The following PTPDC1 variants were observed in gnomAD, a reference collection of about 807,000 sequenced individuals.
PTPDC1 encodes protein tyrosine phosphatase domain-containing protein 1.
Under a neutral mutation model 75.3 loss-of-function variants are expected in PTPDC1, and 53 were observed. That is an observed-to-expected ratio of 0.70 (90% confidence interval 0.56 to 0.88). The LOEUF (loss-of-function observed/expected upper bound fraction) is 0.88, where lower values mean the gene tolerates loss of function less well. Ranked by LOEUF, PTPDC1 falls within the 40% of genes least tolerant of loss-of-function variation. The probability of loss-of-function intolerance (pLI) is 0.00; values close to 1 mark genes in which losing one functional copy is unlikely to be tolerated. For missense variants in PTPDC1, 925 were observed against 998.6 expected (o/e 0.93, Z 0.99); for synonymous variants, 349 against 366.2 (o/e 0.95, Z 0.54).
At chr9:94,039,829 A>G (rs78129967) in intron 1 of PTPDC1, among the ~76,000 whole-genome samples, 1 of 152,212 alleles carries the variant, frequency 6.6e-6, no homozygotes, top group South Asian at 2.1e-4. Context: ...TTAGTTTACT[A>G]ATCTGTCTCT....
At chr9:94,090,281 T>A (rs920625542) in intron 4 of PTPDC1, among the ~76,000 whole-genome samples, 1 of 106,126 alleles carries the variant, frequency 9.4e-6, no homozygotes, top group Non-Finnish European at 1.8e-5. Flanking sequence ...GGGATCCAGT[T>A]TCAGCTTTCT....
Position 94,084,739 on chromosome 9 carries a change from A to G in PTPDC1, c.209A>G (p.Glu70Gly), listed in dbSNP as rs761077209. The change falls in exon 1 of 9, where the codon GAG becomes GGG. Residue 70 changes from glutamate (E) to glycine (G), a missense_variant. Glu to Gly is a moderately conservative substitution (Grantham distance 98). Coordinates refer to ENST00000620992, the MANE Select transcript of PTPDC1 (RefSeq NM_001253829.2). ...GCTGTTTCCTCAGTCAGCCATGCAG[A>G]GGGAAACCCAACTTTCCCCGAAAGA... Reference protein sequence around the residue: ...MVAVSSVSHAEGNPTFPERKS... With the variant: ...MVAVSSVSHAGGNPTFPERKS... 5.7e-6 allele frequency: 9 copies of G among 1,590,990 alleles called. No individual in the cohort carries two copies. The East Asian group carries it at 1.8e-4, about 32-fold the overall frequency.
At chr9:94,041,785 C>G (rs1410121709) in intron 1 of PTPDC1, among the ~76,000 whole-genome samples, 1 of 152,134 alleles carries the variant, frequency 6.6e-6, no homozygotes, top group African/African-American at 2.4e-5. Context: ...TGTATATTCC[C>G]TGCTCTAGCC....
Position 94,101,450 on chromosome 9 carries a change from C to T in PTPDC1, c.2014-116C>T, listed in dbSNP as rs2118085037. 4 of 711,732 alleles carry T rather than the reference C, an allele frequency of 5.6e-6. No homozygotes were observed. In the East Asian group the frequency reaches 1.1e-4, roughly 19 times the overall value. The allele number at this position is 711,732 out of a possible 1,614,324, so 44.1% of individuals were successfully genotyped here. Reference sequence around the variant, plus strand: ...GGGGTCCCAGTTCTGCACTCTGGAGCCTGAGTCTTTCACTCTTGTGGGCAG... The same window carrying T: ...GGGGTCCCAGTTCTGCACTCTGGAGTCTGAGTCTTTCACTCTTGTGGGCAG... On this transcript the variant is annotated intron_variant, in intron 6 of 8. Transcript: ENST00000620992.
intron 1 of PTPDC1, among the ~76,000 whole-genome samples, chr9:94,057,568 A>G (rs998866257): frequency 3.9e-5 from 6 of 152,204 alleles, no homozygotes; most frequent in Non-Finnish European, 7.3e-5. Context: ...GTGTTGTGGT[A>G]GGAACACACA....
At chr9:94,078,298 A>G (rs1184554658) in intron 2 of PTPDC1, among the ~76,000 whole-genome samples, 1 of 152,176 alleles carries the variant, frequency 6.6e-6, no homozygotes, top group African/African-American at 2.4e-5. Context: ...TTCTTGATTG[A>G]CAGCTTAATA....
intron 8 of PTPDC1, among the ~76,000 whole-genome samples, chr9:94,105,719 A>G (rs543110886): frequency 6.2e-4 from 94 of 150,936 alleles, no homozygotes; most frequent in African/African-American, 2.0e-3. Flanking sequence ...CTGTAATCCA[A>G]GCACTTTGGG....
chr9:94,077,803 G>A (rs999859270), intron 2 of PTPDC1, among the ~76,000 whole-genome samples: 6 of 152,154 alleles, frequency 3.9e-5, no homozygotes, highest in African/African-American at 9.7e-5. Context: ...AAGTCCCAAC[G>A]CTGTAATCCT....
In PTPDC1 at chr9:94,098,172, A is replaced by C; in HGVS notation, c.1606A>C (p.Lys536Gln). Residue 536 changes from lysine to glutamine, a missense_variant, in exon 6 of 9, where the codon AAG (lysine) becomes CAG (glutamine). Coordinates refer to ENST00000620992, the MANE Select transcript of PTPDC1 (RefSeq NM_001253829.2). ...SPIFHGRIIP[K>Q]EAQQSGAFSA... ...AATTTTCCATGGAAGGATCATTCCA[A>C]AGGAAGCACAGCAGAGTGGAGCTTT... The C allele has an allele frequency of 6.2e-7, 1 of 1,614,240 alleles. No homozygotes were observed. Among genetic ancestry groups the C allele is most frequent in the Non-Finnish European group, 8.5e-7 (1 of 1,180,044 alleles).
chr9:94,076,155 C>T (rs1190899912), intron 2 of PTPDC1, among the ~76,000 whole-genome samples: 2 of 152,086 alleles, frequency 1.3e-5, no homozygotes, highest in Non-Finnish European at 2.9e-5. Context: ...CGCATGCTAC[C>T]GCACCCAGCT....
At chr9:94,081,975 C>A (rs1008363848), upstream of PTPDC1, among the ~76,000 whole-genome samples, 2 of 152,134 alleles carry the variant, frequency 1.3e-5, no homozygotes, top group African/African-American at 4.8e-5. Flanking sequence ...GATTTTAACT[C>A]AACACTAGAG....
intron 4 of PTPDC1, among the ~76,000 whole-genome samples, chr9:94,088,952 G>A (rs1827176772): frequency 6.6e-6 from 1 of 152,036 alleles, no homozygotes; most frequent in Admixed American, 6.6e-5. Context: ...CTCCAAAGCT[G>A]AGTAACTATA....
In PTPDC1 at chr9:94,051,212, C is replaced by T. The variant is rs541282837; in HGVS notation, c.-6-13522C>T. ...CGGCTCATGCTGGGTGCGCTGCACC[C>T]ACTGTCCTGCACCCACTTTTTGACA... On this transcript the variant is annotated intron_variant, in intron 1 of 9. Coordinates refer to the PTPDC1 transcript ENST00000375360. Among the ~76,000 whole-genome samples the T allele has an allele frequency of 1.9e-3, 284 of 152,266 alleles. 4 individuals are homozygous for T. Among genetic ancestry groups the T allele is most frequent in the African/African-American group, 6.6e-3 (273 of 41,552 alleles).
intron 2 of PTPDC1, among the ~76,000 whole-genome samples, chr9:94,073,587 A>G (rs907168089): frequency 1.3e-5 from 2 of 152,012 alleles, no homozygotes; most frequent in African/African-American, 2.4e-5. Context: ...TCCATTTTTA[A>G]TCTTACTGAC....
intron 2 of PTPDC1, among the ~76,000 whole-genome samples, chr9:94,072,558 C>T (rs1402200910): frequency 2.0e-5 from 3 of 151,594 alleles, no homozygotes; most frequent in Admixed American, 6.6e-5. Context: ...TAGCCTAAAA[C>T]TTCTACCAAG....
intron 1 of PTPDC1, among the ~76,000 whole-genome samples, chr9:94,035,795 C>T (rs1473779228): frequency 6.6e-6 from 1 of 152,174 alleles, no homozygotes; most frequent in Non-Finnish European, 1.5e-5. Context: ...TACCCACCAA[C>T]AGGACACAAG....
At chr9:94,056,600 T>C (rs934498694) in intron 1 of PTPDC1, among the ~76,000 whole-genome samples, 2 of 152,220 alleles carry the variant, frequency 1.3e-5, no homozygotes, top group Non-Finnish European at 2.9e-5. Context: ...CACTGCTTAA[T>C]GTAGTTCCCC....
intron 1 of PTPDC1, among the ~76,000 whole-genome samples, chr9:94,044,228 A>G (rs368505217): frequency 6.6e-6 from 1 of 152,230 alleles, no homozygotes; most frequent in Non-Finnish European, 1.5e-5. Flanking sequence ...TATTACACCT[A>G]TAGATCAACT....
chr9:94,105,693 G>A (rs1466735473), intron 8 of PTPDC1, among the ~76,000 whole-genome samples: 1 of 145,348 alleles, frequency 6.9e-6, no homozygotes, highest in Non-Finnish European at 1.5e-5. Flanking sequence ...AAGTGGCCAG[G>A]CATGGTGGCT....
Sources: gnomAD v4.1 joint callset for allele counts (sites outside exome capture counted in the v4.1 genomes callset) on GRCh38, gnomAD v4.1.1 for gene constraint, MANE v1.5 for transcripts, NCBI Gene and HGNC (gene_info 2026-07-23, HGNC 2026-07-21) for gene names.